The following CFAP52 variants were observed in gnomAD, a reference collection of about 807,000 sequenced individuals.
CFAP52 encodes the protein cilia and flagella associated protein 52.
A neutral mutation model predicts 70.5 loss-of-function variants in CFAP52; 57 were observed. That is an observed-to-expected ratio of 0.81 (90% CI 0.65 to 1.01). The LOEUF (loss-of-function observed/expected upper bound fraction) is 1.01. CFAP52 is among the 50% of genes least tolerant of loss of function. The pLI is 0.00. For missense variants in CFAP52, 785 were observed against 788.5 expected, an observed-to-expected ratio of 1.00 and a Z score of 0.05; for synonymous variants, 267 against 292.5, an observed-to-expected ratio of 0.91 and a Z score of 0.89.
At chr17:9,600,327 T>C (rs2016355) in intron 6 of CFAP52, 144 bp downstream of exon 6, 690,995 of 695,146 alleles carry the variant, frequency 0.99, 343,564 homozygotes, top group East Asian at 1. Flanking sequence ...CTGCAACTTC[T>C]GCCTCCCAGG....
intron 11 of CFAP52, among the ~76,000 whole-genome samples, chr17:9,636,034 C>T (rs778154457): frequency 2.0e-5 from 3 of 151,764 alleles, no homozygotes; most frequent in African/African-American, 7.3e-5. Flanking sequence ...GTTAGCTGGG[C>T]GTGGCGGCAG....
chr17:9,610,540 T>TG (rs886692120), intron 7 of CFAP52, among the ~76,000 whole-genome samples: 5 of 152,000 alleles, frequency 3.3e-5, no homozygotes, highest in African/African-American at 7.2e-5. Context: ...CATTTTTTTT[T>TG]TTTGTTTGTT....
chr17:9,584,386 C>T, intron 1 of CFAP52: 1 of 1,267,466 alleles, frequency 7.9e-7, no homozygotes, highest in Non-Finnish European at 1.0e-6. Context: ...GCACTCAGAA[C>T]TGAAACCGAA....
intron 9 of CFAP52, 133 bp downstream of exon 9, chr17:9,628,953 T>C: frequency 7.6e-7 from 1 of 1,322,518 alleles, no homozygotes. Flanking sequence ...TTCTTGCTTC[T>C]AATCTAGCCT....
At chr17:9,631,769 G>GTTTTTTT (rs562813196) in intron 9 of CFAP52, among the ~76,000 whole-genome samples, 20 of 141,618 alleles carry the variant, frequency 1.4e-4, no homozygotes, top group African/African-American at 5.2e-4. Flanking sequence ...GTTTTGGAAA[G>GTTTTTTT]TTTTTTTTTT....
At chr17:9,593,585 A>G (rs1224974738) in intron 3 of CFAP52, among the ~76,000 whole-genome samples, 1 of 152,018 alleles carries the variant, frequency 6.6e-6, no homozygotes, top group Non-Finnish European at 1.5e-5. Context: ...CCTCCTGAGT[A>G]GCTGGGACTA....
intron 3 of CFAP52, among the ~76,000 whole-genome samples, chr17:9,591,989 A>G (rs1908782793): frequency 6.6e-6 from 1 of 152,218 alleles, no homozygotes; most frequent in South Asian, 2.1e-4. Flanking sequence ...TGACTCTTAT[A>G]TCCCCCTCAC....
Position 9,631,014 on chromosome 17 carries a change from GAAAGAA to G in CFAP52, c.1175-1872_1175-1867del, listed in dbSNP as rs1269880728. On this transcript the variant is annotated intron_variant, in intron 9 of 13. Coordinates refer to ENST00000352665, the MANE Select transcript of CFAP52 (RefSeq NM_145054.5). Reference sequence around the variant, plus strand: ...AAAAAGAAAGAAAGAAAGAAAGAAAGAAAGAAAGAAAGAAAGAGAGAGAGAGAGAGA... The same window carrying G: ...AAAAAGAAAGAAAGAAAGAAAGAAAGAGAAAGAAAGAGAGAGAGAGAGAGA... 3.7e-3 allele frequency among the ~76,000 whole-genome samples: 214 copies of G among 58,356 alleles called. 3 individuals carry two copies. The highest frequency in any genetic ancestry group is 0.022 in the African/African-American group (205 of 9,500). The allele number at this position is 58,356 out of a possible 152,430, so 38.3% of individuals were successfully genotyped here.
intron 8 of CFAP52, among the ~76,000 whole-genome samples, chr17:9,628,011 G>T (rs1411849731): frequency 6.6e-6 from 1 of 152,136 alleles, no homozygotes; most frequent in African/African-American, 2.4e-5. Context: ...TGGGATTACA[G>T]GTGTCAGCCA....
chr17:9,635,661 T>C (rs1324526554), intron 11 of CFAP52, 105 bp downstream of exon 11: 12 of 1,444,738 alleles, frequency 8.3e-6, no homozygotes, highest in Non-Finnish European at 1.1e-5. Context: ...AGAAATCTTA[T>C]TTAAGGCAAC....
chr17:9,576,981 G>A (rs1323019241), intron 1 of CFAP52, among the ~76,000 whole-genome samples: 1 of 152,200 alleles, frequency 6.6e-6, no homozygotes, highest in Non-Finnish European at 1.5e-5. Flanking sequence ...GAGTGAGATG[G>A]TTTTTACCAG....
chr17:9,610,152 A>AATAACAT (rs750987599), intron 7 of CFAP52: 51 of 152,188 alleles, frequency 3.4e-4, no homozygotes, highest in Non-Finnish European at 6.9e-4. Flanking sequence ...AGAGGAAAGA[A>AATAACAT]ATAACATCCA....
At position 9,628,702 on chromosome 17, in the gene CFAP52, C is replaced by G. The variant is rs778381409; in HGVS notation, c.1056C>G (p.Ala352=). 6.2e-7 allele frequency: 1 copy of G among 1,614,036 alleles called. No homozygotes were observed. Among genetic ancestry groups the G allele is most frequent in the African/African-American group, 1.3e-5 (1 of 74,914 alleles). Residue 352 remains alanine (A), a synonymous_variant, in exon 9 of 14, where the codon GCC becomes GCG. Transcript: ENST00000352665. ...CTGCTGAGCTATTTGCAACCTGTGC[C>G]AAGAAGGATATCAGGGTGTGGCACA... The part of the protein sequence containing the change: ...FGTAELFATC[A]KKDIRVWHTS...
chr17:9,593,257 AGTT>A, intron 3 of CFAP52, among the ~76,000 whole-genome samples: 1 of 152,148 alleles, frequency 6.6e-6, no homozygotes, highest in South Asian at 2.1e-4. Context: ...TGTAGGATAA[AGTT>A]GTATGATTGC....
At chr17:9,631,022 GAAAGAA>G (rs769232501) in intron 9 of CFAP52, among the ~76,000 whole-genome samples, 47 of 67,308 alleles carry the variant, frequency 7.0e-4, no homozygotes, top group East Asian at 3.5e-3. Context: ...AAGAAAGAAA[GAAAGAA>G]AGAGAGAGAG....
Position 9,638,490 on chromosome 17 carries a change from G to A in CFAP52, c.1473-119G>A, listed in dbSNP as rs1170000524. On this transcript the variant is annotated intron_variant, in intron 11 of 13. Coordinates refer to ENST00000352665, the MANE Select transcript of CFAP52 (RefSeq NM_145054.5). Reference sequence around the variant, plus strand: ...ACCACTTTGCTGAGCAGTATGAGATGTTTGGCATGGAGATAAACCAACCCA... The same window carrying A: ...ACCACTTTGCTGAGCAGTATGAGATATTTGGCATGGAGATAAACCAACCCA... 3 of 821,518 alleles carry A rather than the reference G, an allele frequency of 3.7e-6. No homozygotes were observed. The East Asian group carries it at 7.9e-5, about 22-fold the overall frequency. 50.9% of individuals were successfully genotyped at this position (821,518 alleles called of 1,614,324 possible). A position where few individuals can be genotyped will look rare whatever the true frequency, so the allele number is the denominator to read the frequency against.
intron 9 of CFAP52, among the ~76,000 whole-genome samples, chr17:9,631,369 T>G (rs903871767): frequency 1.3e-5 from 2 of 152,164 alleles, no homozygotes; most frequent in Non-Finnish European, 2.9e-5. Flanking sequence ...GATACCTCCA[T>G]GGCTCACTCC....
At chr17:9,636,560 G>A (rs778630119) in intron 11 of CFAP52, among the ~76,000 whole-genome samples, 10 of 151,992 alleles carry the variant, frequency 6.6e-5, no homozygotes, top group South Asian at 2.1e-4. Context: ...TTTTAGAATC[G>A]GATGCCATTC....
At chr17:9,585,522 T>A (rs1046416198) in intron 1 of CFAP52, among the ~76,000 whole-genome samples, 1 of 151,796 alleles carries the variant, frequency 6.6e-6, no homozygotes, top group African/African-American at 2.4e-5. Context: ...CAAAAAAAAA[T>A]TAGCCAGGTG....
Sources: allele counts gnomAD v4.1 joint callset (sites outside exome capture counted in the v4.1 genomes callset), GRCh38; gene constraint gnomAD v4.1.1; transcripts MANE v1.5; gene names NCBI Gene and HGNC (gene_info 2026-07-23, HGNC 2026-07-21).